Variants in DACH1 observed in about 807,000 individuals in gnomAD.
DACH1 encodes dachshund family transcription factor 1.
A neutral mutation model predicts 54.2 loss-of-function variants in DACH1; 12 were observed. The ratio of observed to expected loss-of-function variants is 0.22; its 90% CI spans 0.14 to 0.36. DACH1 has a LOEUF of 0.36. DACH1 is among the 10% of genes least tolerant of loss of function. DACH1 has a pLI of 1.00. For synonymous variants in DACH1, 386 were observed against 366.2 expected (o/e 1.05, Z -0.62); for missense variants, 805 against 929.8 (o/e 0.87, Z 1.75).
intron 6 of DACH1, among the ~76,000 whole-genome samples, chr13:71,495,683 G>A (rs942894857): frequency 6.6e-6 from 1 of 152,044 alleles, no homozygotes; most frequent in African/African-American, 2.4e-5. Flanking sequence ...GGGTGTAAAG[G>A]AAAGGGAATA....
chr13:71,757,078 C>T (rs1037774702), intron 1 of DACH1, among the ~76,000 whole-genome samples: 7 of 151,974 alleles, frequency 4.6e-5, no homozygotes, highest in South Asian at 2.1e-4. Context: ...ATGTAACACA[C>T]GTTTGAAGAT....
At chr13:71,524,800 C>T (rs1881844349) in intron 6 of DACH1, among the ~76,000 whole-genome samples, 1 of 151,694 alleles carries the variant, frequency 6.6e-6, no homozygotes, top group Non-Finnish European at 1.5e-5. Context: ...TTTTTTTTAA[C>T]GTTCCCTATA....
chr13:71,474,647 A>G (rs1566280870), intron 10 of DACH1, among the ~76,000 whole-genome samples: 1 of 152,204 alleles, frequency 6.6e-6, no homozygotes, highest in East Asian at 1.9e-4. Context: ...AATGGCATAC[A>G]GAACATTTGG....
intron 1 of DACH1, among the ~76,000 whole-genome samples, chr13:71,687,799 G>A (rs1881259872): frequency 2.0e-5 from 3 of 152,080 alleles, no homozygotes; most frequent in South Asian, 2.1e-4. Flanking sequence ...TGTAAAGAGC[G>A]AGTTTCACCA....
intron 6 of DACH1, among the ~76,000 whole-genome samples, chr13:71,491,006 A>G (rs1222407233): frequency 1.3e-5 from 2 of 152,200 alleles, no homozygotes; most frequent in Admixed American, 6.5e-5. Context: ...AAGAAAATAA[A>G]GAATCATATG....
chr13:71,709,555 G>A (rs749927792), intron 1 of DACH1, among the ~76,000 whole-genome samples: 2 of 151,896 alleles, frequency 1.3e-5, no homozygotes, highest in East Asian at 1.9e-4. Context: ...TGGCAGTATC[G>A]CAGTGGTTGT....
chr13:71,462,957 G>A lies in DACH1; in HGVS notation c.2083+12184C>T, dbSNP rs556822231. On this transcript the variant is annotated intron_variant, in intron 10 of 10. Coordinates refer to ENST00000613252, the MANE Select transcript of DACH1 (RefSeq NM_080759.6). Reference sequence around the variant, plus strand: ...TATGCGTGTGTGTGCATGTGTTTGTGTGTCTATACTCAGTGAACAAAGTAG... The same window carrying A: ...TATGCGTGTGTGTGCATGTGTTTGTATGTCTATACTCAGTGAACAAAGTAG... Among the ~76,000 whole-genome samples, 4 of 151,772 alleles carry A rather than the reference G, an allele frequency of 2.6e-5. No homozygotes were observed. The East Asian group carries it at 7.8e-4, about 29-fold the overall frequency.
In DACH1 at chr13:71,558,468, T is replaced by C. The variant is rs951968181; in HGVS notation, c.1436-1310A>G. Among the ~76,000 whole-genome samples the C allele has an allele frequency of 3.3e-5, 5 of 152,082 alleles. No individual in the cohort carries two copies. The South Asian group carries it at 6.2e-4, about 19-fold the overall frequency. On this transcript the variant is annotated intron_variant, in intron 5 of 10. Transcript: ENST00000613252. ...GAATATTACCATTACTAAAATAACA[T>C]GAATGTATAACAAAACTCATTCAAA...
intron 6 of DACH1, among the ~76,000 whole-genome samples, chr13:71,547,850 G>A (rs1233727312): frequency 6.6e-6 from 1 of 152,102 alleles, no homozygotes; most frequent in East Asian, 1.9e-4. Flanking sequence ...TGCAAACAAG[G>A]CTGACTGAAT....
At chr13:71,824,824 G>A (rs1262891510) in intron 1 of DACH1, among the ~76,000 whole-genome samples, 2 of 152,052 alleles carry the variant, frequency 1.3e-5, no homozygotes, top group Non-Finnish European at 2.9e-5. Context: ...TAAAGTGGAA[G>A]CTCTGTCCAA....
chr13:71,722,982 A>G (rs1198245383), intron 1 of DACH1, among the ~76,000 whole-genome samples: 3 of 152,154 alleles, frequency 2.0e-5, no homozygotes, highest in African/African-American at 7.2e-5. Context: ...ATGACTCAGT[A>G]CCATCTATAT....
rs566857441 is a variant in DACH1, at chr13:71,724,156, CTTGT to C, written c.849-42250_849-42247del. On this transcript the variant is annotated intron_variant, in intron 1 of 10. Transcript: ENST00000613252. ...CGTATCTAATGGAAACTAGTTCCAACTTGTTTGTTTTCAAAATAAAGGAAACAAA... is the reference window on the plus strand; with the variant it reads ...CGTATCTAATGGAAACTAGTTCCAACTTGTTTTCAAAATAAAGGAAACAAA... Among the ~76,000 whole-genome samples, 429 of 152,244 alleles carry C rather than the reference CTTGT, an allele frequency of 2.8e-3. 3 individuals carry two copies. The highest frequency in any genetic ancestry group is 9.9e-3 in the African/African-American group (410 of 41,544).
At chr13:71,684,213 A>G (rs1326743885) in intron 1 of DACH1, among the ~76,000 whole-genome samples, 2 of 152,116 alleles carry the variant, frequency 1.3e-5, no homozygotes, top group African/African-American at 2.4e-5. Context: ...TCCAGAGTCT[A>G]GAGTCCAGAG....
chr13:71,786,267 C>T (rs1433456527), intron 1 of DACH1, among the ~76,000 whole-genome samples: 1 of 152,110 alleles, frequency 6.6e-6, no homozygotes, highest in African/African-American at 2.4e-5. Flanking sequence ...AAACAATAAA[C>T]ATGCCTTGTG....
At chr13:71,456,612 A>T (rs113744914) in intron 10 of DACH1, among the ~76,000 whole-genome samples, 1 of 152,056 alleles carries the variant, frequency 6.6e-6, no homozygotes, top group Non-Finnish European at 1.5e-5. Context: ...TCACAGTTGC[A>T]CTTGGACGAT....
At chr13:71,718,307 G>C (rs1883075910) in intron 1 of DACH1, among the ~76,000 whole-genome samples, 1 of 152,022 alleles carries the variant, frequency 6.6e-6, no homozygotes, top group Non-Finnish European at 1.5e-5. Flanking sequence ...TCTTCCGGCT[G>C]GGCACACTGG....
At chr13:71,729,962 A>G (rs944307024) in intron 1 of DACH1, among the ~76,000 whole-genome samples, 8 of 152,062 alleles carry the variant, frequency 5.3e-5, no homozygotes, top group African/African-American at 1.9e-4. Flanking sequence ...GCTCCACTCA[A>G]AAATCATCTT....
intron 6 of DACH1, among the ~76,000 whole-genome samples, chr13:71,535,481 C>T (rs563788300): frequency 6.6e-6 from 1 of 151,858 alleles, no homozygotes; most frequent in Non-Finnish European, 1.5e-5. Flanking sequence ...AGGAGACAGA[C>T]TTAGCAAATC....
At position 71,760,555 on chromosome 13, in the gene DACH1, C is replaced by T. The variant is rs183830412; in HGVS notation, c.849-78645G>A. On this transcript the variant is annotated intron_variant, in intron 1 of 10. Coordinates refer to ENST00000613252, the MANE Select transcript of DACH1 (RefSeq NM_080759.6). ...CATTACAATTTCAAATAAACAGTCACCCAATCTAATGAAGCAAGAACTCAA... is the reference window on the plus strand; with the variant it reads ...CATTACAATTTCAAATAAACAGTCATCCAATCTAATGAAGCAAGAACTCAA... Among the ~76,000 whole-genome samples the T allele has an allele frequency of 2.6e-4, 39 of 152,246 alleles. 1 individual carries two copies. The highest frequency in any genetic ancestry group is 5.1e-4 in the Non-Finnish European group (35 of 68,024).
Sources: gnomAD v4.1 joint callset for allele counts (sites outside exome capture counted in the v4.1 genomes callset) on GRCh38, gnomAD v4.1.1 for gene constraint, MANE v1.5 for transcripts, NCBI Gene and HGNC (gene_info 2026-07-23, HGNC 2026-07-21) for gene names.